ARAP2: variants seen among roughly 807,000 people sequenced by gnomAD.
ARAP2 encodes the protein ArfGAP with RhoGAP domain, ankyrin repeat and PH domain 2, also known as arf-GAP with Rho-GAP domain, ANK repeat and PH domain-containing protein 2.
In ARAP2, 148 loss-of-function variants were observed where a neutral mutation model predicts 194.5. That is an observed-to-expected ratio of 0.76 (90% CI 0.67 to 0.87). ARAP2 has a LOEUF of 0.87. Among genes scored for constraint, ARAP2 ranks in the 40% least tolerant of loss-of-function variants. The pLI is 0.00. For missense variants in ARAP2, 2,128 were observed against 1,989.7 expected, an observed-to-expected ratio of 1.07 and a Z score of -1.32; for synonymous variants, 695 against 683.5, an observed-to-expected ratio of 1.02 and a Z score of -0.26.
intron 31 of ARAP2, 59 bp from the exon 32 acceptor site, chr4:36,073,882 C>A: frequency 6.4e-7 from 1 of 1,570,490 alleles, no homozygotes; most frequent in South Asian, 1.2e-5. Flanking sequence ...TATACTATGT[C>A]ATAAAGCCAC....
At chr4:36,072,099 A>G (rs931647451) in intron 32 of ARAP2, among the ~76,000 whole-genome samples, 19 of 152,024 alleles carry the variant, frequency 1.2e-4, no homozygotes, top group African/African-American at 4.6e-4. Flanking sequence ...CATGGTTTAT[A>G]TGAATTTTTT....
intron 26 of ARAP2, among the ~76,000 whole-genome samples, chr4:36,109,841 A>T (rs140085786): frequency 0.015 from 1,200 of 79,720 alleles, 14 homozygotes; most frequent in South Asian, 0.097. Context: ...TAGGTATATC[A>T]CCTAATGCTA....
At position 36,161,504 on chromosome 4, in the gene ARAP2, T is replaced by C. The variant is rs73809149; in HGVS notation, c.2220A>G (p.Leu740=). ...TGCTCCAAATGCTAGCATCCATTTTTAGACTTCTAACCTTGGAATCTTTTG... is the reference window on the plus strand; with the variant it reads ...TGCTCCAAATGCTAGCATCCATTTTCAGACTTCTAACCTTGGAATCTTTTG... The part of the protein sequence containing the change: ...LGPKDSKVRS[L]KMDASIWSNE... Residue 740 remains leucine, a synonymous_variant, in exon 12 of 33, where the codon CTA becomes CTG. Transcript: ENST00000303965. 1.5e-5 allele frequency: 24 copies of C among 1,614,162 alleles called. No individual in the cohort carries two copies. In the African/African-American group the frequency reaches 2.9e-4, roughly 20 times the overall value.
chr4:36,097,883 C>T (rs989543264), intron 27 of ARAP2, among the ~76,000 whole-genome samples: 1 of 151,840 alleles, frequency 6.6e-6, no homozygotes, highest in Non-Finnish European at 1.5e-5. Flanking sequence ...ATTAAAACTG[C>T]GGGTAACAAA....
rs1729059907 is a variant in ARAP2 at position 36,144,243 on chromosome 4, G to C, written c.3263+3053C>G. ...AAACACATTTGTTAAGCTGATACTT[G>C]TCTATTTGTTTAAGAACATAAGCTC... On this transcript the variant is annotated intron_variant, in intron 19 of 32. Transcript: ENST00000303965. Among the ~76,000 whole-genome samples the C allele has an allele frequency of 2.0e-5, 3 of 151,808 alleles. No individual in the cohort carries two copies. The South Asian group carries it at 6.2e-4, about 31-fold the overall frequency.
chr4:36,195,611 A>G (rs1742890798), intron 6 of ARAP2, among the ~76,000 whole-genome samples: 1 of 152,232 alleles, frequency 6.6e-6, no homozygotes, highest in Non-Finnish European at 1.5e-5. Flanking sequence ...CCATTTTAAG[A>G]TAAAAATAAT....
At chr4:36,006,742 C>A (rs1323832205) in intron 10 of ARAP2, 1 of 152,062 alleles carries the variant, frequency 6.6e-6, no homozygotes, top group Non-Finnish European at 1.5e-5. Flanking sequence ...TGTTGGCATT[C>A]GTGCTAAGCA....
chr4:36,229,164 T>G lies in ARAP2; in HGVS notation c.323A>C (p.Asn108Thr). 1 of 1,614,148 alleles carries G rather than the reference T, an allele frequency of 6.2e-7. No individual in the cohort carries two copies. The highest frequency in any genetic ancestry group is 1.3e-5 in the African/African-American group (1 of 75,068). ...GCTAGATGTCTGAACACTACCAGAA[T>G]TGGAAAGTTCTATGCAGATATTCTG... ...SDQNICIELSNSGSVQTSSPP... is the reference protein window; with the variant it reads ...SDQNICIELSTSGSVQTSSPP... Residue 108 changes from asparagine (N) to threonine (T), a missense_variant, in exon 2 of 33, where the codon AAT (asparagine) becomes ACT (threonine). Transcript: ENST00000303965.
intron 1 of ARAP2, among the ~76,000 whole-genome samples, chr4:36,231,457 G>A (rs2109347284): frequency 6.6e-6 from 1 of 152,218 alleles, no homozygotes; most frequent in African/African-American, 2.4e-5. Context: ...TGCAACAAGT[G>A]TATTGTCTAT....
intron 2 of ARAP2, among the ~76,000 whole-genome samples, chr4:36,053,895 A>G (rs1020601545): frequency 6.6e-6 from 1 of 152,228 alleles, no homozygotes; most frequent in African/African-American, 2.4e-5. Context: ...TGAAATTGCT[A>G]AGTAGCTCAA....
chr4:36,177,797 G>C (rs1300645152), intron 9 of ARAP2, 30 bp downstream of exon 9: 7 of 1,517,822 alleles, frequency 4.6e-6, no homozygotes, highest in Non-Finnish European at 5.3e-6. Context: ...TAAAATAGCA[G>C]CAATTTGCAA....
intron 3 of ARAP2, among the ~76,000 whole-genome samples, chr4:36,047,961 C>G (rs1253552478): frequency 2.0e-5 from 3 of 152,134 alleles, no homozygotes; most frequent in African/African-American, 7.2e-5. Context: ...TCCTTTTATT[C>G]AGAATATATC....
rs1447651597 is a variant in ARAP2, at chr4:36,050,022, T to A, written n.369+1984A>T. Among the ~76,000 whole-genome samples the A allele has an allele frequency of 7.2e-5, 11 of 152,344 alleles. No homozygotes were observed. The South Asian group carries it at 2.3e-3, about 32-fold the overall frequency. Reference sequence around the variant, plus strand: ...TATTTGTTAACCCAGATTTGTTTAGTGTGGACTTTATGAAAGCTTCAATAG... The same window carrying A: ...TATTTGTTAACCCAGATTTGTTTAGAGTGGACTTTATGAAAGCTTCAATAG... On this transcript the variant is annotated intron_variant and non_coding_transcript_variant, in intron 3 of 12. Coordinates refer to the ARAP2 transcript ENST00000503225.
intron 15 of ARAP2, among the ~76,000 whole-genome samples, chr4:36,154,654 T>C (rs1031032142): frequency 5.3e-5 from 8 of 152,314 alleles, no homozygotes; most frequent in African/African-American, 1.9e-4. Flanking sequence ...GATCAGTCTT[T>C]ATAACCAGAG....
chr4:36,108,876 G>A (rs547826201), intron 26 of ARAP2, among the ~76,000 whole-genome samples: 5 of 151,972 alleles, frequency 3.3e-5, no homozygotes, highest in Non-Finnish European at 7.4e-5. Context: ...AGATGTCAAT[G>A]CTGCTTTCCT....
intron 5 of ARAP2, among the ~76,000 whole-genome samples, chr4:36,029,195 AGT>A (rs1313960005): frequency 6.6e-6 from 1 of 152,012 alleles, no homozygotes; most frequent in Admixed American, 6.6e-5. Context: ...GACTAAGCAT[AGT>A]GTGTCGAAGG....
chr4:36,025,246 G>T (rs1035170289), intron 5 of ARAP2, among the ~76,000 whole-genome samples: 3 of 152,132 alleles, frequency 2.0e-5, no homozygotes, highest in African/African-American at 7.2e-5. Flanking sequence ...GATAAAGAAG[G>T]AAAACAGCTA....
intron 3 of ARAP2, among the ~76,000 whole-genome samples, chr4:36,213,748 A>G (rs1024896349): frequency 6.6e-6 from 1 of 152,252 alleles, no homozygotes; most frequent in East Asian, 1.9e-4. Flanking sequence ...AAAGGTCACT[A>G]ACATAATAGC....
intron 26 of ARAP2, among the ~76,000 whole-genome samples, chr4:36,112,912 A>T (rs1324336029): frequency 1.3e-5 from 2 of 151,942 alleles, no homozygotes; most frequent in Admixed American, 1.3e-4. Flanking sequence ...CACAAAAAAT[A>T]GAAGAGATTA....
Sources: allele counts gnomAD v4.1 joint callset (sites outside exome capture counted in the v4.1 genomes callset), GRCh38; gene constraint gnomAD v4.1.1; transcripts MANE v1.5; gene names NCBI Gene and HGNC (gene_info 2026-07-23, HGNC 2026-07-21).